The following RCCD1 variants were observed in gnomAD, a reference collection of about 807,000 sequenced individuals.
RCCD1 encodes RCC1 domain-containing protein 1.
Under a neutral mutation model 37.6 loss-of-function variants are expected in RCCD1, and 40 were observed. The observed-to-expected ratio is 1.06, with a 90% CI of 0.83 to 1.39. RCCD1 has a LOEUF of 1.39. Among genes scored for constraint, RCCD1 ranks in the 40% most tolerant of loss-of-function variants. The probability of loss-of-function intolerance (pLI) is 0.00; values close to 1 mark genes in which losing one functional copy is unlikely to be tolerated. For synonymous variants in RCCD1, 263 were observed against 230.0 expected (o/e 1.14, Z -1.30); for missense variants, 577 against 517.3 (o/e 1.12, Z -1.12).
At chr15:90,959,457 A>G (rs1159999965) in intron 4 of RCCD1, among the ~76,000 whole-genome samples, 1 of 152,052 alleles carries the variant, frequency 6.6e-6, no homozygotes, top group African/African-American at 2.4e-5. Flanking sequence ...TGGTTGTTTT[A>G]TTTACTTATT....
Position 90,960,407 on chromosome 15 carries a change from T to C in RCCD1, c.858T>C (p.Ala286=), listed in dbSNP as rs1305146314. The C allele has an allele frequency of 3.7e-6, 6 of 1,613,806 alleles. No homozygotes were observed. Among genetic ancestry groups the C allele is most frequent in the Non-Finnish European group, 5.1e-6 (6 of 1,179,956 alleles). Residue 286 remains alanine, a synonymous_variant, in exon 6 of 8, where the codon GCT becomes GCC. Coordinates refer to ENST00000394258, the MANE Select transcript of RCCD1 (RefSeq NM_001017919.2). ...AEDGAPAPFI[A]VQPFPALLDL... ...ATGGAGCCCCTGCCCCCTTCATAGC[T>C]GTCCAGCCCTTCCCGGCATTACTGG...
Position 90,956,592 on chromosome 15 carries a change from A to G in RCCD1, c.-123-20A>G. The G allele has an allele frequency of 6.4e-6, 5 of 781,846 alleles. No homozygotes were observed. Among genetic ancestry groups the G allele is most frequent in the Non-Finnish European group, 8.6e-6 (5 of 578,048 alleles). 48.4% of individuals were successfully genotyped at this position (781,846 alleles called of 1,614,324 possible). ...CTCTGCCTTTGTGGTCGGGAGAATG[A>G]TAGTTTCTCCATTTTACAGATAAGG... On this transcript the variant is annotated intron_variant, in intron 1 of 7. Coordinates refer to ENST00000394258, the MANE Select transcript of RCCD1 (RefSeq NM_001017919.2).
rs772386570 is a variant in RCCD1 at position 90,960,396 on chromosome 15, C to G, written c.847C>G (p.Pro283Ala). The G allele has an allele frequency of 3.1e-6, 5 of 1,613,734 alleles. No homozygotes were observed. Among genetic ancestry groups the G allele is most frequent in the Non-Finnish European group, 4.2e-6 (5 of 1,179,986 alleles). Residue 283 changes from proline to alanine, a missense_variant, in exon 6 of 8, where the codon CCC becomes GCC. Pro to Ala is a conservative substitution (Grantham distance 27, BLOSUM62 -1). Coordinates refer to ENST00000394258, the MANE Select transcript of RCCD1 (RefSeq NM_001017919.2). ...TGGAEDGAPA[P>A]FIAVQPFPAL... is the part of the protein sequence containing the mutation. ...TGGGGCTGAGGATGGAGCCCCTGCC[C>G]CCTTCATAGCTGTCCAGCCCTTCCC...
chr15:90,961,741 T>C lies in RCCD1; in HGVS notation c.1103T>C (p.Val368Ala), dbSNP rs1266716818. The C allele has an allele frequency of 6.2e-7, 1 of 1,614,046 alleles. No homozygotes were observed. The highest frequency in any genetic ancestry group is 1.1e-5 in the South Asian group (1 of 91,080). ...AVTCGPWNTY[V>A]YAVEKGKS The stretch of plus-strand genomic sequence containing the variant: ...ACCTGTGGGCCGTGGAACACCTACG[T>C]GTATGCTGTGGAGAAAGGGAAGAGC... Residue 368 changes from valine to alanine, a missense_variant, in exon 8 of 8, where the codon GTG becomes GCG. Transcript: ENST00000394258.
intron 1 of RCCD1, 129 bp from the exon 2 acceptor site, chr15:90,956,483 A>G (rs1038320996): frequency 5.3e-6 from 2 of 376,768 alleles, no homozygotes; most frequent in African/African-American, 4.2e-5. Context: ...GGACAGGGAA[A>G]GTGCCTCTAA....
rs1448193347 is a variant in RCCD1 at position 90,960,310 on chromosome 15, A to G, written c.779-18A>G. 6.3e-7 allele frequency: 1 copy of G among 1,585,262 alleles called. No individual in the cohort carries two copies. The highest frequency in any genetic ancestry group is 8.6e-7 in the Non-Finnish European group (1 of 1,164,274). On this transcript the variant is annotated intron_variant, in intron 5 of 7. Transcript: ENST00000394258. ...TCAGGGCTCAGTTGGTGTTCACATC[A>G]TTATTATCATTCTGAAGCCACAGAA... is the stretch of plus-strand genomic sequence containing the variant.
chr15:90,960,102 ATG>A, intron 5 of RCCD1, 104 bp downstream of exon 5: 4 of 1,034,394 alleles, frequency 3.9e-6, no homozygotes, highest in Non-Finnish European at 5.8e-6. Context: ...CAGATGGAGC[ATG>A]TGAGCCCCTT....
chr15:90,961,838 C>T lies in RCCD1; in HGVS notation c.*69C>T. 1 of 1,504,394 alleles carries T rather than the reference C, an allele frequency of 6.6e-7. No homozygotes were observed. Among genetic ancestry groups the T allele is most frequent in the Non-Finnish European group, 9.1e-7 (1 of 1,102,946 alleles). The allele number at this position is 1,504,394 out of a possible 1,614,324, so 93.2% of individuals were successfully genotyped here. Reference sequence around the variant, plus strand: ...TCAGGTCAAGGAAAACCATTGCCTGCACCCCAAGGGCCCCATATTTGCCCC... The same window carrying T: ...TCAGGTCAAGGAAAACCATTGCCTGTACCCCAAGGGCCCCATATTTGCCCC... On this transcript the variant is annotated 3_prime_UTR_variant, in exon 8 of 8. Coordinates refer to ENST00000394258, the MANE Select transcript of RCCD1 (RefSeq NM_001017919.2).
intron 5 of RCCD1, 91 bp from the exon 6 acceptor site, chr15:90,960,237 A>G: frequency 1.5e-6 from 2 of 1,320,388 alleles, no homozygotes; most frequent in South Asian, 1.4e-5. Flanking sequence ...GCAGTCGTGT[A>G]CCTCAGAGCT....
chr15:90,961,112 T>G, intron 7 of RCCD1, 58 bp downstream of exon 7: 1 of 1,549,418 alleles, frequency 6.5e-7, no homozygotes, highest in Non-Finnish European at 8.9e-7. Flanking sequence ...GACCTGGGAG[T>G]ACAGGGCAGG....
chr15:90,963,123 T>G lies in RCCD1; in HGVS notation c.*1354T>G, dbSNP rs530750376. 1 of 152,366 alleles carries G rather than the reference T, an allele frequency of 6.6e-6. No homozygotes were observed. Among genetic ancestry groups the G allele is most frequent in the African/African-American group, 2.4e-5 (1 of 41,586 alleles). 9.4% of individuals were successfully genotyped at this position (152,366 alleles called of 1,614,324 possible). Reference sequence around the variant, plus strand: ...AAACAAAAATTGTTTTTAACCATTTTAAGTACATAGTTCAGTGACATTATA... The same window carrying G: ...AAACAAAAATTGTTTTTAACCATTTGAAGTACATAGTTCAGTGACATTATA... On this transcript the variant is annotated 3_prime_UTR_variant, in exon 8 of 8. Transcript: ENST00000394258.
chr15:90,957,254 C>G lies in RCCD1; in HGVS notation c.308C>G (p.Ser103Trp), dbSNP rs777995502. 6.8e-7 allele frequency: 1 copy of G among 1,478,472 alleles called. No homozygotes were observed. Among genetic ancestry groups the G allele is most frequent in the Non-Finnish European group, 9.0e-7 (1 of 1,111,068 alleles). The allele number at this position is 1,478,472 out of a possible 1,614,324, so 91.6% of individuals were successfully genotyped here. Reference protein sequence around the residue: ...EALLQVWAAESALRGEPLWAQ... With the variant: ...EALLQVWAAEWALRGEPLWAQ... ...TTACTGCAGGTCTGGGCGGCCGAAT[C>G]GGCGCTGCGTGGGGAGCCATTGTGG... The change falls in exon 3 of 8, where the codon TCG (serine) becomes TGG (tryptophan). Residue 103 changes from serine (S) to tryptophan (W), a missense_variant. Coordinates refer to ENST00000394258, the MANE Select transcript of RCCD1 (RefSeq NM_001017919.2).
intron 4 of RCCD1, among the ~76,000 whole-genome samples, chr15:90,959,544 C>T (rs947190880): frequency 3.3e-5 from 5 of 152,220 alleles, no homozygotes; most frequent in Non-Finnish European, 7.3e-5. Flanking sequence ...ATCTCAGCCT[C>T]CCAAAGTGCT....
At chr15:90,956,516 C>G (rs2037196281) in intron 1 of RCCD1, 96 bp from the exon 2 acceptor site, 1 of 402,374 alleles carries the variant, frequency 2.5e-6, no homozygotes, top group Non-Finnish European at 4.3e-6. Flanking sequence ...CTTTGTAAAT[C>G]CGGTAGGGCA....
chr15:90,957,717 G>A lies in RCCD1; in HGVS notation c.671G>A (p.Cys224Tyr). The stretch of plus-strand genomic sequence containing the variant: ...GCCGCGGGGGGCTGGCATTCTGTGT[G>A]TGTGAGTGGTGAGTGACTTAGTGCT... Reference protein sequence around the residue: ...EVAAGGWHSVCVSETGDIYIW... With the variant: ...EVAAGGWHSVYVSETGDIYIW... The change falls in exon 4 of 8, where the codon TGT (cysteine) becomes TAT (tyrosine). Residue 224 changes from cysteine (C) to tyrosine (Y), a missense_variant. Physicochemically the swap from Cys to Tyr is radical, Grantham distance 194 (BLOSUM62 -2). Coordinates refer to ENST00000394258, the MANE Select transcript of RCCD1 (RefSeq NM_001017919.2). 6.2e-7 allele frequency: 1 copy of A among 1,607,598 alleles called. No homozygotes were observed. Among genetic ancestry groups the A allele is most frequent in the Non-Finnish European group, 8.5e-7 (1 of 1,176,414 alleles).
At position 90,957,130 on chromosome 15, in the gene RCCD1, C is replaced by G; in HGVS notation, c.184C>G (p.Leu62Val). 1 of 1,355,166 alleles carries G rather than the reference C, an allele frequency of 7.4e-7. No individual in the cohort carries two copies. Among genetic ancestry groups the G allele is most frequent in the Non-Finnish European group, 9.4e-7 (1 of 1,059,824 alleles). The allele number at this position is 1,355,166 out of a possible 1,614,324, so 83.9% of individuals were successfully genotyped here. The change falls in exon 3 of 8, where the codon CTG (leucine) becomes GTG (valine). Residue 62 changes from leucine (L) to valine (V), a missense_variant. Leu to Val is a conservative substitution (Grantham distance 32). Transcript: ENST00000394258. ...CCCCGCAGGTGGAGGCCGCTTGGAG[C>G]TGTCGGGCTCAGCCAGCGGCGCGGC... Reference protein sequence around the residue: ...AFVTRGGRLELSGSASGAAGR... With the variant: ...AFVTRGGRLEVSGSASGAAGR...
Position 90,961,717 on chromosome 15 carries a change from C to T in RCCD1, c.1079C>T (p.Thr360Ile), listed in dbSNP as rs746708439. 2 of 1,614,112 alleles carry T rather than the reference C, an allele frequency of 1.2e-6. No individual in the cohort carries two copies. The highest frequency in any genetic ancestry group is 4.5e-5 in the East Asian group (2 of 44,888). ...AAGCAACTCCAAGTAAAGGCTGTCACCTGTGGGCCGTGGAACACCTACGTG... is the reference window on the plus strand; with the variant it reads ...AAGCAACTCCAAGTAAAGGCTGTCATCTGTGGGCCGTGGAACACCTACGTG... The part of the protein sequence containing the change: ...VDKQLQVKAV[T>I]CGPWNTYVYA... Residue 360 changes from threonine to isoleucine, a missense_variant, in exon 8 of 8, where the codon ACC becomes ATC. Transcript: ENST00000394258.
At chr15:90,961,516 C>T in intron 7 of RCCD1, 102 bp from the exon 8 acceptor site, 2 of 1,317,064 alleles carry the variant, frequency 1.5e-6, no homozygotes, top group South Asian at 2.9e-5. Context: ...AGCAGTGGGG[C>T]ATAATCCCAG....
chr15:90,955,824 T>C (rs1346715419), intron 1 of RCCD1: 1 of 151,964 alleles, frequency 6.6e-6, no homozygotes, highest in Non-Finnish European at 1.5e-5. Context: ...ACAGCTGTCC[T>C]CACTGGCAGA....
Sources: gnomAD v4.1 joint callset for allele counts (sites outside exome capture counted in the v4.1 genomes callset) on GRCh38, gnomAD v4.1.1 for gene constraint, MANE v1.5 for transcripts, NCBI Gene and HGNC (gene_info 2026-07-23, HGNC 2026-07-21) for gene names.